TET2: variants seen among roughly 807,000 people sequenced by gnomAD.
The protein encoded by TET2 is methylcytosine dioxygenase TET2.
Under a neutral mutation model 142.9 loss-of-function variants are expected in TET2, and 299 were observed. The ratio of observed to expected loss-of-function variants is 2.09; its 90% CI spans 1.90 to 2.30. The LOEUF is 2.30. Ranked by LOEUF, TET2 falls within the 30% of genes most tolerant of loss-of-function variation. The pLI is 0.00. For synonymous variants in TET2, 819 were observed against 849.0 expected (o/e 0.96, Z 0.61); for missense variants, 2,418 against 2,378.0 (o/e 1.02, Z -0.35).
At chr4:105,152,581 T>C (rs1395511806) in intron 1 of TET2, among the ~76,000 whole-genome samples, 1 of 100,828 alleles carries the variant, frequency 9.9e-6, no homozygotes, top group African/African-American at 5.7e-5. Flanking sequence ...TTTTCCTTTT[T>C]CTTTCTTTCT....
In TET2 at chr4:105,257,749, T is replaced by C. The variant is rs111806066; in HGVS notation, c.3804-1870T>C. Among the ~76,000 whole-genome samples the C allele has an allele frequency of 4.2e-3, 647 of 152,262 alleles. 6 individuals carry two copies. Among genetic ancestry groups the C allele is most frequent in the Middle Eastern group, 0.02 (6 of 294 alleles). ...TTTCCCAGGTAATTTACTTTTAAGCTTTTTTAGTTATCTTATGTTTTGCTC... is the reference window on the plus strand; with the variant it reads ...TTTCCCAGGTAATTTACTTTTAAGCCTTTTTAGTTATCTTATGTTTTGCTC... On this transcript the variant is annotated intron_variant, in intron 6 of 10. Transcript: ENST00000380013.
chr4:105,225,185 CGTGTGT>C (rs79864807), intron 2 of TET2, among the ~76,000 whole-genome samples: 4,826 of 147,196 alleles, frequency 0.033, 234 homozygotes, highest in East Asian at 0.19. Context: ...AGTAAAAAAT[CGTGTGT>C]GTGTGTGTGT....
Position 105,276,982 on chromosome 4 carries a change from A to T in TET2, c.*463A>T, listed in dbSNP as rs1294152551. 4.3e-6 allele frequency: 1 copy of T among 234,394 alleles called. No individual in the cohort carries two copies. The highest frequency in any genetic ancestry group is 2.2e-5 in the African/African-American group (1 of 45,346). 14.5% of individuals were successfully genotyped at this position (234,394 alleles called of 1,614,324 possible). On this transcript the variant is annotated 3_prime_UTR_variant, in exon 11 of 11. Coordinates refer to ENST00000380013, the MANE Select transcript of TET2 (RefSeq NM_001127208.3). ...AATACCATCTGGTGCTGAATATATG[A>T]TGTACTGAAATACTGGAATTATGGC...
At chr4:105,148,528 C>G in intron 1 of TET2, among the ~76,000 whole-genome samples, 1 of 152,192 alleles carries the variant, frequency 6.6e-6, no homozygotes, top group East Asian at 1.9e-4. Context: ...AAGATTGTAT[C>G]TTAAGGGAAG....
Position 105,224,748 on chromosome 4 carries a change from T to G in TET2, c.-46-9149T>G, listed in dbSNP as rs181981673. 6.4e-3 allele frequency among the ~76,000 whole-genome samples: 904 copies of G among 142,046 alleles called. 5 individuals carry two copies. The highest frequency in any genetic ancestry group is 0.01 in the Non-Finnish European group (673 of 65,086). 93.2% of individuals were successfully genotyped at this position (142,046 alleles called of 152,430 possible). On this transcript the variant is annotated intron_variant, in intron 2 of 10. Transcript: ENST00000380013. ...TCTCTGTCTCGTAGCTTATGAAAAT[T>G]TATTCTGGGGCATTAGCTGAAATTA...
At chr4:105,238,765 A>G (rs1202637738) in intron 3 of TET2, 1 of 239,724 alleles carries the variant, frequency 4.2e-6, no homozygotes, top group Non-Finnish European at 8.9e-6. Context: ...ATGTTGATAT[A>G]TTGACCCCCT....
Position 105,276,344 on chromosome 4 carries a change from A to G in TET2, c.5834A>G (p.His1945Arg), listed in dbSNP as rs758905124. The G allele has an allele frequency of 7.7e-6, 12 of 1,551,782 alleles. No homozygotes were observed. Residue 1945 changes from histidine to arginine, a missense_variant, in exon 11 of 11, where the codon CAT (histidine) becomes CGT (arginine). His to Arg is a conservative substitution (Grantham distance 29). Coordinates refer to ENST00000380013, the MANE Select transcript of TET2 (RefSeq NM_001127208.3). The stretch of plus-strand genomic sequence containing the variant: ...CCAGACTATGTGCCTCAGAAATCCC[A>G]TGGCAAAAAAGTGAAACGGGAGCCT... ...YGPDYVPQKS[H>R]GKKVKREPAE...
intron 6 of TET2, among the ~76,000 whole-genome samples, chr4:105,250,179 G>A (rs1729793683): frequency 6.6e-6 from 1 of 152,042 alleles, no homozygotes; most frequent in African/African-American, 2.4e-5. Context: ...TGACCAAGAT[G>A]TATGGGTTTA....
At chr4:105,214,118 T>C (rs1231316333) in intron 2 of TET2, among the ~76,000 whole-genome samples, 8 of 151,922 alleles carry the variant, frequency 5.3e-5, no homozygotes, top group African/African-American at 1.9e-4. Context: ...CATAAAGTGC[T>C]AGGACAAAAG....
intron 2 of TET2, among the ~76,000 whole-genome samples, chr4:105,203,362 A>G (rs1407126139): frequency 2.6e-5 from 4 of 152,350 alleles, no homozygotes; most frequent in South Asian, 2.1e-4. Flanking sequence ...GTTTTAAGCT[A>G]TGTATTTACT....
At chr4:105,244,078 C>T (rs767713026) in intron 6 of TET2, among the ~76,000 whole-genome samples, 8 of 152,210 alleles carry the variant, frequency 5.3e-5, no homozygotes, top group Non-Finnish European at 1.2e-4. Flanking sequence ...CTACAAGTGA[C>T]GGCTCCTGTG....
intron 8 of TET2, among the ~76,000 whole-genome samples, chr4:105,263,267 G>T (rs1308657492): frequency 6.6e-6 from 1 of 152,172 alleles, no homozygotes; most frequent in Non-Finnish European, 1.5e-5. Context: ...GTGTGTGTTG[G>T]GGATGGAAGG....
At chr4:105,170,049 G>A (rs1724375605) in intron 1 of TET2, among the ~76,000 whole-genome samples, 2 of 151,800 alleles carry the variant, frequency 1.3e-5, no homozygotes, top group Non-Finnish European at 1.5e-5. Context: ...GTTTTGCTTT[G>A]GCTCTGTGGG....
rs780809582 is a variant in TET2 at position 105,236,796 on chromosome 4, C to G, written c.2854C>G (p.Leu952Val). Residue 952 changes from leucine to valine, a missense_variant, in exon 3 of 11, where the codon CTA becomes GTA. By Grantham distance (32) the Leu-to-Val change is conservative. Transcript: ENST00000380013. ...GAAGGACACTCAAAAGCATGCTGCT[C>G]TAAGGTGGCATCTCTTACAGAAGCA... ...PQKDTQKHAA[L>V]RWHLLQKQEQ... 1 of 1,614,116 alleles carries G rather than the reference C, an allele frequency of 6.2e-7. No individual in the cohort carries two copies. The highest frequency in any genetic ancestry group is 8.5e-7 in the Non-Finnish European group (1 of 1,179,996).
rs1728831486 is a variant in TET2 at position 105,235,741 on chromosome 4, T to C, written c.1799T>C (p.Met600Thr). Residue 600 changes from methionine to threonine, a missense_variant, in exon 3 of 11, where the codon ATG becomes ACG. By Grantham distance (81) the Met-to-Thr change is moderately conservative. Transcript: ENST00000380013. ...LQYQPNLSNQ[M>T]TSKQYTGNSN... is the part of the protein sequence containing the mutation. The stretch of plus-strand genomic sequence containing the variant: ...TATCAACCCAATCTCTCCAATCAAA[T>C]GACCTCCAAACAATACACTGGAAAT... 1.2e-6 allele frequency: 2 copies of C among 1,614,020 alleles called. No individual in the cohort carries two copies. Among genetic ancestry groups the C allele is most frequent in the African/African-American group, 2.7e-5 (2 of 74,916 alleles).
At chr4:105,192,203 T>TA (rs758503316) in intron 2 of TET2, among the ~76,000 whole-genome samples, 395 of 148,104 alleles carry the variant, frequency 2.7e-3, no homozygotes, top group Non-Finnish European at 3.6e-3. Context: ...TAAGATAACT[T>TA]AAAAAAAAAA....
chr4:105,183,832 T>A (rs1208165772), intron 1 of TET2, among the ~76,000 whole-genome samples: 3 of 152,160 alleles, frequency 2.0e-5, no homozygotes, highest in Non-Finnish European at 4.4e-5. Context: ...TATTAAAGCA[T>A]CAAAATCAAT....
At chr4:105,147,633 A>G (rs1723091665) in intron 1 of TET2, 1 of 152,186 alleles carries the variant, frequency 6.6e-6, no homozygotes, top group Non-Finnish European at 1.5e-5. Context: ...AGAGGAAAGA[A>G]TAGTTTCTCT....
rs372410618 is a variant in TET2 at position 105,214,879 on chromosome 4, T to C, written c.-46-19018T>C. Among the ~76,000 whole-genome samples the C allele has an allele frequency of 3.0e-4, 45 of 152,190 alleles. 1 individual carries two copies. Among genetic ancestry groups the C allele is most frequent in the South Asian group, 2.5e-3 (12 of 4,820 alleles). The stretch of plus-strand genomic sequence containing the variant: ...CAAATATAAGTAAGTGTTTCTTGAG[T>C]TATGTGAGCTGCTTGACCAAACGTA... On this transcript the variant is annotated intron_variant, in intron 2 of 10. Coordinates refer to ENST00000380013, the MANE Select transcript of TET2 (RefSeq NM_001127208.3).
Sources: gnomAD v4.1 joint callset for allele counts (sites outside exome capture counted in the v4.1 genomes callset) on GRCh38, gnomAD v4.1.1 for gene constraint, MANE v1.5 for transcripts, NCBI Gene and HGNC (gene_info 2026-07-23, HGNC 2026-07-21) for gene names.